STYX: variants seen among roughly 807,000 people sequenced by gnomAD.
The protein encoded by STYX is serine/threonine/tyrosine interacting protein, also known as serine/threonine/tyrosine-interacting protein.
A neutral mutation model predicts 42.7 loss-of-function variants in STYX; 20 were observed. The ratio of observed to expected loss-of-function variants is 0.47; its 90% CI spans 0.33 to 0.68. The LOEUF (loss-of-function observed/expected upper bound fraction) is 0.68. STYX is among the 30% of genes least tolerant of loss of function. STYX has a pLI of 0.02. For synonymous variants in STYX, 78 were observed against 81.9 expected (o/e 0.95, Z 0.26); for missense variants, 226 against 268.5 (o/e 0.84, Z 1.11).
chr14:52,769,315 T>A (rs181500305), intron 10 of STYX, among the ~76,000 whole-genome samples: 1 of 152,096 alleles, frequency 6.6e-6, no homozygotes, highest in African/African-American at 2.4e-5. Flanking sequence ...CCTAAGCCCC[T>A]TATTTTCAAA....
intron 3 of STYX, among the ~76,000 whole-genome samples, chr14:52,747,160 CA>C (rs1594870212): frequency 1.3e-5 from 2 of 152,270 alleles, no homozygotes; most frequent in East Asian, 3.9e-4. Context: ...TCTACATAGT[CA>C]AACTTTAATG....
intron 1 of STYX, among the ~76,000 whole-genome samples, chr14:52,736,994 A>G (rs565759180): frequency 2.0e-5 from 3 of 152,276 alleles, no homozygotes; most frequent in Non-Finnish European, 4.4e-5. Flanking sequence ...GTGCAATACT[A>G]ACTTTTCTGT....
intron 4 of STYX, among the ~76,000 whole-genome samples, chr14:52,751,386 G>A (rs916055580): frequency 1.3e-5 from 2 of 152,242 alleles, no homozygotes; most frequent in Admixed American, 6.5e-5. Flanking sequence ...AGCATATAGT[G>A]ACTATCATTG....
At chr14:52,737,304 CTCTATCCAAATGCAGTTT>C (rs1415418859) in intron 1 of STYX, among the ~76,000 whole-genome samples, 1 of 152,158 alleles carries the variant, frequency 6.6e-6, no homozygotes, top group Non-Finnish European at 1.5e-5. Flanking sequence ...TGTAACTTTT[CTCTATCCAAATGCAGTTT>C]TATAGATCAT....
At chr14:52,753,494 TATTTTTC>T (rs1881716792) in intron 4 of STYX, among the ~76,000 whole-genome samples, 1 of 152,160 alleles carries the variant, frequency 6.6e-6, no homozygotes, top group African/African-American at 2.4e-5. Flanking sequence ...CCGAGGGACA[TATTTTTC>T]ATGGTACCCT....
intron 10 of STYX, among the ~76,000 whole-genome samples, chr14:52,770,284 C>T (rs1163801678): frequency 1.3e-5 from 2 of 151,816 alleles, no homozygotes; most frequent in East Asian, 3.9e-4. Flanking sequence ...TAGAATATGC[C>T]CTCTGAATTA....
At chr14:52,747,502 G>C (rs1172638620) in intron 3 of STYX, among the ~76,000 whole-genome samples, 1 of 152,116 alleles carries the variant, frequency 6.6e-6, no homozygotes, top group Non-Finnish European at 1.5e-5. Context: ...GGAAAGATAG[G>C]GAGTTAGTAA....
chr14:52,743,925 G>A (rs533834861), intron 1 of STYX, among the ~76,000 whole-genome samples: 69 of 152,062 alleles, frequency 4.5e-4, no homozygotes, highest in Non-Finnish European at 8.8e-4. Flanking sequence ...AGGCTCAAGC[G>A]ATCTTCCCAC....
At chr14:52,759,584 C>A in intron 8 of STYX, 98 bp from the exon 9 acceptor site, 2 of 798,866 alleles carry the variant, frequency 2.5e-6, no homozygotes, top group Non-Finnish European at 2.1e-6. Flanking sequence ...CATGCTTTTT[C>A]CATTACAACT....
intron 8 of STYX, among the ~76,000 whole-genome samples, chr14:52,758,355 T>G (rs1881957616): frequency 6.6e-6 from 1 of 152,182 alleles, no homozygotes; most frequent in Admixed American, 6.5e-5. Flanking sequence ...ATAGATTTTT[T>G]AAAAGATAGG....
At position 52,771,258 on chromosome 14, in the gene STYX, A is replaced by T; in HGVS notation, c.*152A>T. ...ACTTCTCTGCAACTTGTTGAGCAAC[A>T]TTTTAAGATGTTGGACTTCTGCAAT... is the stretch of plus-strand genomic sequence containing the variant. On this transcript the variant is annotated 3_prime_UTR_variant, in exon 11 of 11. Transcript: ENST00000354586. 1.6e-6 allele frequency: 1 copy of T among 636,648 alleles called. No homozygotes were observed. Among genetic ancestry groups the T allele is most frequent in the Non-Finnish European group, 2.6e-6 (1 of 386,482 alleles). The allele number at this position is 636,648 out of a possible 1,614,324, so 39.4% of individuals were successfully genotyped here. A position where few individuals can be genotyped will look rare whatever the true frequency, so the allele number is the denominator to read the frequency against.
chr14:52,734,292 C>T (rs1880859681), intron 1 of STYX, among the ~76,000 whole-genome samples: 1 of 152,178 alleles, frequency 6.6e-6, no homozygotes, highest in Non-Finnish European at 1.5e-5. Flanking sequence ...CTTAGATTCC[C>T]TGCCTCCAGA....
rs779247288 is a variant in STYX, at chr14:52,730,463, C to CG, written c.-9dup. The CG allele has an allele frequency of 1.9e-6, 3 of 1,613,110 alleles. No individual in the cohort carries two copies. Among genetic ancestry groups the CG allele is most frequent in the Non-Finnish European group, 2.5e-6 (3 of 1,179,602 alleles). ...CTCTCCCACCCCACCCACCAGCCCG[C>CG]GGGCCAGCACCATGGAGGACGTGAA... is the stretch of plus-strand genomic sequence containing the variant. On this transcript the variant is annotated 5_prime_UTR_variant, in exon 1 of 11. Coordinates refer to ENST00000354586, the MANE Select transcript of STYX (RefSeq NM_145251.4).
At chr14:52,766,775 G>A (rs985692146) in intron 9 of STYX, among the ~76,000 whole-genome samples, 2 of 150,362 alleles carry the variant, frequency 1.3e-5, no homozygotes, top group African/African-American at 2.4e-5. Context: ...CCCTTACCCC[G>A]GTATAGTTTA....
Position 52,771,102 on chromosome 14 carries a change from G to A in STYX, c.668G>A (p.Gly223Asp). ...ATGCAAGTGGCGACTGCACAGAATG[G>A]CTGACTTGAAGAGCAACATCATAGA... ...GTMQVATAQN[G>D] is the part of the protein sequence containing the mutation. Residue 223 changes from glycine (G) to aspartate (D), a missense_variant, in exon 11 of 11, where the codon GGC (glycine) becomes GAC (aspartate). Physicochemically the swap from Gly to Asp is moderately conservative, Grantham distance 94. Coordinates refer to ENST00000354586, the MANE Select transcript of STYX (RefSeq NM_145251.4). The A allele has an allele frequency of 1.2e-6, 2 of 1,608,214 alleles. No individual in the cohort carries two copies. Among genetic ancestry groups the A allele is most frequent in the Non-Finnish European group, 1.7e-6 (2 of 1,176,244 alleles).
intron 2 of STYX, 128 bp downstream of exon 2, chr14:52,745,012 T>C (rs909164133): frequency 1.4e-6 from 1 of 692,482 alleles, no homozygotes; most frequent in African/African-American, 1.9e-5. Context: ...TAAATAATTA[T>C]TTTAAATATT....
intron 9 of STYX, among the ~76,000 whole-genome samples, chr14:52,760,686 G>A (rs916907103): frequency 6.6e-6 from 1 of 152,064 alleles, no homozygotes; most frequent in African/African-American, 2.4e-5. Context: ...ACATTCAAAA[G>A]AGAAACAGTG....
In STYX at chr14:52,768,822, A is replaced by C. The variant is rs1020959073; in HGVS notation, c.505-18A>C. 6.7e-7 allele frequency: 1 copy of C among 1,484,788 alleles called. No individual in the cohort carries two copies. Among genetic ancestry groups the C allele is most frequent in the African/African-American group, 1.4e-5 (1 of 70,498 alleles). The allele number at this position is 1,484,788 out of a possible 1,614,324, so 92.0% of individuals were successfully genotyped here. A position where few individuals can be genotyped will look rare whatever the true frequency, so the allele number is the denominator to read the frequency against. On this transcript the variant is annotated intron_variant, in intron 9 of 10. Transcript: ENST00000354586. ...ATGTAAATATATAATTAAGTTAATTAACTTATTTTTTTTTTAGGAATATGA... is the reference window on the plus strand; with the variant it reads ...ATGTAAATATATAATTAAGTTAATTCACTTATTTTTTTTTTAGGAATATGA...
At chr14:52,754,397 G>C (rs71407607) in intron 4 of STYX, among the ~76,000 whole-genome samples, 1 of 142,328 alleles carries the variant, frequency 7.0e-6, no homozygotes, top group Admixed American at 7.1e-5. Flanking sequence ...TTTTTTTCTA[G>C]AGATGGGGTT....
Sources: gnomAD v4.1 joint callset for allele counts (sites outside exome capture counted in the v4.1 genomes callset) on GRCh38, gnomAD v4.1.1 for gene constraint, MANE v1.5 for transcripts, NCBI Gene and HGNC (gene_info 2026-07-23, HGNC 2026-07-21) for gene names.